SEL1L3: variants seen among roughly 807,000 people sequenced by gnomAD.
SEL1L3 encodes SEL1L family member 3.
SEL1L3 carries 76 observed loss-of-function variants against 142.8 expected under a neutral mutation model. The ratio of observed to expected loss-of-function variants is 0.53; its 90% CI spans 0.44 to 0.64. SEL1L3 has a LOEUF of 0.64. Ranked by LOEUF, SEL1L3 falls within the 30% of genes least tolerant of loss-of-function variation. The probability of loss-of-function intolerance (pLI) is 0.00; values close to 1 mark genes in which losing one functional copy is unlikely to be tolerated. For missense variants in SEL1L3, 1,262 were observed against 1,381.7 expected, an observed-to-expected ratio of 0.91 and a Z score of 1.37; for synonymous variants, 504 against 519.6, an observed-to-expected ratio of 0.97 and a Z score of 0.41.
At chr4:25,799,372 G>C (rs1021553642) in intron 11 of SEL1L3, among the ~76,000 whole-genome samples, 5 of 152,130 alleles carry the variant, frequency 3.3e-5, no homozygotes, top group African/African-American at 1.2e-4. Context: ...ACCATACCTG[G>C]CCTCTAATCT....
At chr4:25,791,933 G>A (rs1466484865) in intron 11 of SEL1L3, among the ~76,000 whole-genome samples, 1 of 151,174 alleles carries the variant, frequency 6.6e-6, no homozygotes, top group East Asian at 1.9e-4. Context: ...AAAAAGTACT[G>A]AGAGTCACAA....
chr4:25,802,342 A>T lies in SEL1L3; in HGVS notation c.1897T>A (p.Tyr633Asn). Residue 633 changes from tyrosine to asparagine, a missense_variant, in exon 11 of 24, where the codon TAC becomes AAC. Transcript: ENST00000399878. ...YPLDWELSYAYYSNIATKTPL... is the reference protein window; with the variant it reads ...YPLDWELSYANYSNIATKTPL... ...GTCTTGGTGGCAATGTTGCTGTAGT[A>T]GGCATACGACAGTTCCCAGTCCAGG... is the stretch of plus-strand genomic sequence containing the variant. The T allele has an allele frequency of 6.2e-7, 1 of 1,613,810 alleles. No homozygotes were observed. Among genetic ancestry groups the T allele is most frequent in the Non-Finnish European group, 8.5e-7 (1 of 1,179,802 alleles).
chr4:25,733,724 A>T, the SEL1L3 span, among the ~76,000 whole-genome samples: 1 of 151,524 alleles, frequency 6.6e-6, no homozygotes. Flanking sequence ...TTTCACTATG[A>T]CTGGTCTCGA....
chr4:25,803,178 C>G (rs1713307432), intron 10 of SEL1L3, among the ~76,000 whole-genome samples: 1 of 152,208 alleles, frequency 6.6e-6, no homozygotes, highest in African/African-American at 2.4e-5. Context: ...ATTGACTGGT[C>G]TGACCACCTC....
intron 2 of SEL1L3, among the ~76,000 whole-genome samples, chr4:25,837,190 A>G (rs1415572664): frequency 6.8e-6 from 1 of 146,460 alleles, no homozygotes; most frequent in Non-Finnish European, 1.5e-5. Flanking sequence ...TGGAATCTGA[A>G]GGAAAAATTC....
At chr4:25,775,162 G>T (rs1422631997) in intron 17 of SEL1L3, among the ~76,000 whole-genome samples, 1 of 152,144 alleles carries the variant, frequency 6.6e-6, no homozygotes, top group Non-Finnish European at 1.5e-5. Flanking sequence ...AAAATTGTAA[G>T]GTACATTTAC....
chr4:25,756,452 GC>G (rs1717967925), intron 23 of SEL1L3: 1 of 985,048 alleles, frequency 1.0e-6, no homozygotes, highest in Admixed American at 6.1e-5. Flanking sequence ...TTTAACTACA[GC>G]CGTCATTTTG....
intron 1 of SEL1L3, among the ~76,000 whole-genome samples, chr4:25,860,294 A>C (rs1717606125): frequency 6.6e-6 from 1 of 152,082 alleles, no homozygotes; most frequent in Non-Finnish European, 1.5e-5. Flanking sequence ...TATTCCTGGG[A>C]TCCTGCCCAG....
intron 1 of SEL1L3, among the ~76,000 whole-genome samples, chr4:25,862,358 C>T (rs1285106751): frequency 6.6e-6 from 1 of 151,348 alleles, no homozygotes; most frequent in African/African-American, 2.4e-5. Context: ...GAGCGAACTC[C>T]GGGCGGCGAG....
the SEL1L3 span, among the ~76,000 whole-genome samples, chr4:25,729,870 C>T: frequency 4.6e-5 from 7 of 152,172 alleles, no homozygotes; most frequent in Non-Finnish European, 8.8e-5. Context: ...TCAAGTTCTC[C>T]TTTATAAATT....
intron 19 of SEL1L3, among the ~76,000 whole-genome samples, chr4:25,765,871 T>C (rs1457514182): frequency 6.6e-6 from 1 of 152,074 alleles, no homozygotes; most frequent in Non-Finnish European, 1.5e-5. Context: ...ACTCCTGGAC[T>C]CAAGCAATCC....
the SEL1L3 span, among the ~76,000 whole-genome samples, chr4:25,722,741 G>A: frequency 6.6e-6 from 1 of 151,310 alleles, no homozygotes; most frequent in African/African-American, 2.4e-5. Context: ...ACAGACATGA[G>A]CCACCGTGCC....
intron 11 of SEL1L3, among the ~76,000 whole-genome samples, chr4:25,795,313 T>C (rs1270159732): frequency 6.6e-6 from 1 of 152,240 alleles, no homozygotes; most frequent in Non-Finnish European, 1.5e-5. Flanking sequence ...TTTAGGGCCT[T>C]AACTCATACT....
the SEL1L3 span, chr4:25,719,253 C>T: frequency 6.6e-6 from 1 of 151,948 alleles, no homozygotes; most frequent in Admixed American, 6.6e-5. Flanking sequence ...TGAGTATAAA[C>T]GAGTGTTACA....
chr4:25,774,468 G>C (rs552040928), intron 17 of SEL1L3, among the ~76,000 whole-genome samples: 5 of 152,268 alleles, frequency 3.3e-5, no homozygotes, highest in Non-Finnish European at 7.3e-5. Flanking sequence ...ACCATGATGA[G>C]GCTGAGTATT....
At chr4:25,855,264 T>G (rs1226043450) in intron 1 of SEL1L3, among the ~76,000 whole-genome samples, 1 of 152,252 alleles carries the variant, frequency 6.6e-6, no homozygotes, top group Non-Finnish European at 1.5e-5. Context: ...CTTGAAGAGT[T>G]CCAGCTACAG....
intron 2 of SEL1L3, among the ~76,000 whole-genome samples, chr4:25,837,663 C>T (rs541171767): frequency 1.3e-5 from 2 of 152,044 alleles, no homozygotes; most frequent in South Asian, 2.1e-4. Context: ...GTGCAGTTTG[C>T]CCTCAGTATG....
chr4:25,744,295 GCCTTTT>G (rs572047746), downstream of SEL1L3, among the ~76,000 whole-genome samples: 23 of 150,566 alleles, frequency 1.5e-4, no homozygotes, highest in South Asian at 2.5e-3. Context: ...TGAAGATAGG[GCCTTTT>G]AAGAGTTAAG....
chr4:25,757,457 CAA>C (rs879068722), intron 23 of SEL1L3, 75 bp downstream of exon 23: 49,576 of 390,504 alleles, frequency 0.13, 86 homozygotes, highest in Middle Eastern at 0.17. Context: ...TCCAGTAGAC[CAA>C]AAAAAAAAAA....
Sources: gnomAD v4.1 joint callset for allele counts (sites outside exome capture counted in the v4.1 genomes callset) on GRCh38, gnomAD v4.1.1 for gene constraint, MANE v1.5 for transcripts, NCBI Gene and HGNC (gene_info 2026-07-23, HGNC 2026-07-21) for gene names.